The following KIF5A variants were observed in gnomAD, a reference collection of about 807,000 sequenced individuals.
KIF5A encodes the protein kinesin heavy chain isoform 5A.
In KIF5A, 35 loss-of-function variants were observed where a neutral mutation model predicts 141.3. The ratio of observed to expected loss-of-function variants is 0.25; its 90% CI spans 0.19 to 0.33. KIF5A has a LOEUF of 0.33. Ranked by LOEUF, KIF5A falls within the 10% of genes least tolerant of loss-of-function variation. The pLI, the probability that KIF5A is intolerant of heterozygous loss-of-function variation, is 1.00. For synonymous variants in KIF5A, 448 were observed against 500.2 expected, an observed-to-expected ratio of 0.90 and a Z score of 1.39; for missense variants, 861 against 1,314.3, an observed-to-expected ratio of 0.66 and a Z score of 5.33.
At chr12:57,566,180 C>T (rs138551698) in intron 6 of KIF5A, among the ~76,000 whole-genome samples, 2,049 of 152,132 alleles carry the variant, frequency 0.013, 19 homozygotes, top group Middle Eastern at 0.017. Flanking sequence ...TCTTGGCTCA[C>T]TGCAACCTCT....
rs1254813618 is a variant in KIF5A at position 57,550,110 on chromosome 12, G to T, written c.-162G>T. On this transcript the variant is annotated 5_prime_UTR_variant, in exon 1 of 29. Coordinates refer to ENST00000455537, the MANE Select transcript of KIF5A (RefSeq NM_004984.4). This position sits in a 1 kb window ranked among gnomAD's most constrained non-coding sequence, Gnocchi z 4.6. ...CGCTGCCGCAGGAGAGAGACAGCGCGCCCCGGCCCTGCTCCCCAGGCTTCG... is the reference window on the plus strand; with the variant it reads ...CGCTGCCGCAGGAGAGAGACAGCGCTCCCCGGCCCTGCTCCCCAGGCTTCG... 1.1e-6 allele frequency: 1 copy of T among 902,304 alleles called. No homozygotes were observed. The highest frequency in any genetic ancestry group is 1.7e-6 in the Non-Finnish European group (1 of 575,886). 55.9% of individuals were successfully genotyped at this position (902,304 alleles called of 1,614,324 possible).
chr12:57,568,800 G>A (rs896705626), intron 8 of KIF5A, among the ~76,000 whole-genome samples, 163 bp from the exon 9 acceptor site: 4 of 151,862 alleles, frequency 2.6e-5, no homozygotes, highest in African/African-American at 9.7e-5. Flanking sequence ...ACAGTTTAGG[G>A]GAACAGAGGA....
intron 5 of KIF5A, 126 bp from the exon 6 acceptor site, chr12:57,564,791 GT>G (rs1882013344): frequency 1.1e-6 from 1 of 933,510 alleles, no homozygotes; most frequent in Admixed American, 2.0e-5. Context: ...CGTGCAGGGA[GT>G]TTAGGCTTCA....
At chr12:57,551,958 G>A (rs1391181662) in intron 1 of KIF5A, among the ~76,000 whole-genome samples, 2 of 151,840 alleles carry the variant, frequency 1.3e-5, no homozygotes, top group African/African-American at 4.8e-5. Flanking sequence ...TTGCTTCAGG[G>A]ACCTCGCTGG....
intron 7 of KIF5A, 54 bp from the exon 8 acceptor site, chr12:57,567,417 GGGTCAGTGGAAGCCGGGGGCTGA>G (rs1882099100): frequency 3.8e-6 from 6 of 1,583,434 alleles, no homozygotes; most frequent in Non-Finnish European, 3.4e-6. Context: ...GGCGGGGCTG[GGGTCAGTGGAAGCCGGGGGCTGA>G]GGACCTCAGT....
At chr12:57,575,943 T>G (rs1482146866) in intron 17 of KIF5A, 144 bp from the exon 18 acceptor site, 2 of 928,674 alleles carry the variant, frequency 2.2e-6, no homozygotes, top group African/African-American at 3.2e-5. Flanking sequence ...TCTCTGTTCC[T>G]GCTATATCAA....
At chr12:57,576,933 C>A in intron 20 of KIF5A, 71 bp downstream of exon 20, 1 of 1,127,768 alleles carries the variant, frequency 8.9e-7, no homozygotes, top group Non-Finnish European at 1.3e-6. Context: ...GACACGCTTG[C>A]AGAGGCAGGA....
At chr12:57,556,724 G>A (rs1881759180) in intron 1 of KIF5A, among the ~76,000 whole-genome samples, 1 of 151,964 alleles carries the variant, frequency 6.6e-6, no homozygotes, top group Admixed American at 6.6e-5. Flanking sequence ...AGATTGGCTT[G>A]AGAGTTACAT....
rs771414524 is a variant in KIF5A at position 57,571,289 on chromosome 12, C to T, written c.1294-32C>T. On this transcript the variant is annotated intron_variant, in intron 12 of 28. Transcript: ENST00000455537. ...GTCTAAACTGGAAGGAGTAGCTTCCCTTCACCTGTCTTTCCCTGTTGCCTC... is the reference window on the plus strand; with the variant it reads ...GTCTAAACTGGAAGGAGTAGCTTCCTTTCACCTGTCTTTCCCTGTTGCCTC... 9 of 1,350,146 alleles carry T rather than the reference C, an allele frequency of 6.7e-6. 1 individual carries two copies. The highest frequency in any genetic ancestry group is 1.1e-6 in the Non-Finnish European group (1 of 939,612). The allele number at this position is 1,350,146 out of a possible 1,614,324, so 83.6% of individuals were successfully genotyped here. A position where few individuals can be genotyped will look rare whatever the true frequency, so the allele number is the denominator to read the frequency against.
chr12:57,558,086 G>A (rs142632926), intron 1 of KIF5A, among the ~76,000 whole-genome samples: 102 of 152,156 alleles, frequency 6.7e-4, no homozygotes, highest in African/African-American at 1.9e-3. Flanking sequence ...AAATGGTAGC[G>A]TATTATACAT....
chr12:57,564,436 C>T (rs373250389), intron 4 of KIF5A, 24 bp from the exon 5 acceptor site: 4 of 1,588,808 alleles, frequency 2.5e-6, no homozygotes, highest in Non-Finnish European at 2.6e-6. Flanking sequence ...CTTTACTTCA[C>T]ACTCCTTCTT....
chr12:57,579,851 C>G (rs1228917664), intron 23 of KIF5A, among the ~76,000 whole-genome samples: 2 of 152,174 alleles, frequency 1.3e-5, no homozygotes, highest in Admixed American at 6.5e-5. Flanking sequence ...CAACCACACA[C>G]TGTTTCCTTT....
intron 1 of KIF5A, among the ~76,000 whole-genome samples, chr12:57,555,586 G>A (rs113897087): frequency 0.016 from 2,323 of 146,314 alleles, 51 homozygotes; most frequent in African/African-American, 0.055. Flanking sequence ...GCAAGACTCC[G>A]TCTCAAAAAT....
intron 1 of KIF5A, among the ~76,000 whole-genome samples, chr12:57,557,420 A>T (rs1408900087): frequency 6.6e-6 from 1 of 152,126 alleles, no homozygotes; most frequent in East Asian, 1.9e-4. Context: ...AAATAATGTA[A>T]TTACAACACT....
In KIF5A at chr12:57,576,315, G is replaced by C. The variant is rs373969485; in HGVS notation, c.2135G>C (p.Arg712Pro). The C allele has an allele frequency of 1.9e-6, 3 of 1,614,042 alleles. No individual in the cohort carries two copies. Among genetic ancestry groups the C allele is most frequent in the Non-Finnish European group, 1.7e-6 (2 of 1,179,952 alleles). The change falls in exon 19 of 29, where the codon CGG (arginine) becomes CCG (proline). Residue 712 changes from arginine to proline, a missense_variant. Arg to Pro is a moderately radical substitution (Grantham distance 103). This residue lies in a region of KIF5A where 482 missense variants were observed against 661.3 expected (regional missense o/e 0.73). Coordinates refer to ENST00000455537, the MANE Select transcript of KIF5A (RefSeq NM_004984.4). The part of the protein sequence containing the change: ...QMESHREAHH[R>P]QLARLRDEIN... Reference sequence around the variant, plus strand: ...GAGAGTCACCGGGAGGCCCATCACCGGCAGCTGGCCCGGCTCCGGGACGAG... The same window carrying C: ...GAGAGTCACCGGGAGGCCCATCACCCGCAGCTGGCCCGGCTCCGGGACGAG...
At chr12:57,561,773 C>G (rs1186209310) in intron 1 of KIF5A, among the ~76,000 whole-genome samples, 1 of 152,194 alleles carries the variant, frequency 6.6e-6, no homozygotes. Context: ...AGTTTCTCTC[C>G]TCAAAGTAAC....
chr12:57,575,238 G>T lies in KIF5A; in HGVS notation c.1871G>T (p.Arg624Leu). 6.2e-7 allele frequency: 1 copy of T among 1,613,680 alleles called. No individual in the cohort carries two copies. Residue 624 changes from arginine (R) to leucine (L), a missense_variant, in exon 16 of 29, where the codon CGG (arginine) becomes CTG (leucine). Physicochemically the swap from Arg to Leu is moderately radical, Grantham distance 102 (BLOSUM62 -2). This residue lies in a region of KIF5A where 482 missense variants were observed against 661.3 expected (regional missense o/e 0.73). Coordinates refer to ENST00000455537, the MANE Select transcript of KIF5A (RefSeq NM_004984.4). ...ECHRKMEVTG[R>L]ELSSCQLLIS... ...CACCGCAAGATGGAAGTGACCGGGC[G>T]GGAGCTCTCATCCTGCCAGCTCCTC...
At chr12:57,580,407 G>A (rs1882561175) in intron 23 of KIF5A, among the ~76,000 whole-genome samples, 1 of 152,198 alleles carries the variant, frequency 6.6e-6, no homozygotes, top group African/African-American at 2.4e-5. Context: ...GGCTCTGCCT[G>A]TCTATATGTG....
chr12:57,578,338 A>G lies in KIF5A; in HGVS notation c.2534A>G (p.Lys845Arg). 1.9e-6 allele frequency: 3 copies of G among 1,611,018 alleles called. No homozygotes were observed. Among genetic ancestry groups the G allele is most frequent in the Non-Finnish European group, 2.5e-6 (3 of 1,177,134 alleles). Residue 845 changes from lysine (K) to arginine (R), a missense_variant, in exon 23 of 29, where the codon AAA (lysine) becomes AGA (arginine). By Grantham distance (26) the Lys-to-Arg change is conservative. Coordinates refer to ENST00000455537, the MANE Select transcript of KIF5A (RefSeq NM_004984.4). Reference sequence around the variant, plus strand: ...CTGGAACAGCTTACAAAGGTTCACAAACAGGTAAGAGTCTGCTGAAGGAGT... The same window carrying G: ...CTGGAACAGCTTACAAAGGTTCACAGACAGGTAAGAGTCTGCTGAAGGAGT... ...NNLEQLTKVH[K>R]QLVRDNADLR...
Sources: allele counts gnomAD v4.1 joint callset (sites outside exome capture counted in the v4.1 genomes callset), GRCh38; gene constraint gnomAD v4.1.1; regional missense constraint gnomAD v4.1.1; non-coding constraint Gnocchi (gnomAD v3.1); transcripts MANE v1.5; gene names NCBI Gene and HGNC (gene_info 2026-07-23, HGNC 2026-07-21).